The following CYYR1 variants were observed in gnomAD, a reference collection of about 807,000 sequenced individuals.
CYYR1 encodes cysteine and tyrosine rich 1, also known as cysteine and tyrosine-rich protein 1.
CYYR1 carries 14 observed loss-of-function variants against 15.2 expected under a neutral mutation model. The observed-to-expected ratio is 0.92, with a 90% CI of 0.61 to 1.44. CYYR1 has a LOEUF of 1.44. Ranked by LOEUF, CYYR1 falls within the 40% of genes most tolerant of loss-of-function variation. The pLI is 0.00. For synonymous variants in CYYR1, 80 were observed against 77.4 expected (o/e 1.03, Z -0.18); for missense variants, 228 against 209.5 (o/e 1.09, Z -0.54).
At chr21:26,500,612 AC>A (rs891646061) in intron 2 of CYYR1, among the ~76,000 whole-genome samples, 2 of 152,082 alleles carry the variant, frequency 1.3e-5, no homozygotes, top group African/African-American at 4.8e-5. Flanking sequence ...CTGAACAAGA[AC>A]TTTCCTCTTT....
At chr21:26,559,048 A>G (rs1031729889) in intron 2 of CYYR1, among the ~76,000 whole-genome samples, 3 of 152,112 alleles carry the variant, frequency 2.0e-5, no homozygotes, top group African/African-American at 7.2e-5. Flanking sequence ...ATGGGGTCTG[A>G]TTGCTCTCTA....
Position 26,573,270 on chromosome 21 carries a change from C to A in CYYR1, c.-330G>T. 7.6e-7 allele frequency: 1 copy of A among 1,311,992 alleles called. No individual in the cohort carries two copies. Among genetic ancestry groups the A allele is most frequent in the Non-Finnish European group, 9.9e-7 (1 of 1,013,784 alleles). 81.3% of individuals were successfully genotyped at this position (1,311,992 alleles called of 1,614,324 possible). A position where few individuals can be genotyped will look rare whatever the true frequency, so the allele number is the denominator to read the frequency against. The stretch of plus-strand genomic sequence containing the variant: ...CACCCAGGCTCACATTTCATCTCCG[C>A]GGGTGGCAACGACTGCGGGCAGGGG... On this transcript the variant is annotated 5_prime_UTR_variant, in exon 1 of 4. Coordinates refer to ENST00000652641, the MANE Select transcript of CYYR1 (RefSeq NM_001320768.2).
At chr21:26,562,917 TC>T (rs1980340788) in intron 2 of CYYR1, among the ~76,000 whole-genome samples, 1 of 152,144 alleles carries the variant, frequency 6.6e-6, no homozygotes, top group Non-Finnish European at 1.5e-5. Context: ...TCTTTTCTTA[TC>T]AGATTTTGAG....
At chr21:26,540,316 C>T (rs1048689585) in intron 2 of CYYR1, among the ~76,000 whole-genome samples, 24 of 152,108 alleles carry the variant, frequency 1.6e-4, no homozygotes, top group African/African-American at 5.1e-4. Flanking sequence ...AACTGAGTAG[C>T]GTTCCATTGA....
chr21:26,551,641 C>T (rs1030360642), intron 2 of CYYR1: 1 of 157,002 alleles, frequency 6.4e-6, no homozygotes, highest in Non-Finnish European at 1.4e-5. Flanking sequence ...AAAAGTGGAG[C>T]CTGAAGATGT....
chr21:26,570,545 C>A (rs560744513), intron 1 of CYYR1, among the ~76,000 whole-genome samples: 1 of 152,200 alleles, frequency 6.6e-6, no homozygotes, highest in Non-Finnish European at 1.5e-5. Flanking sequence ...TTCACTGGGT[C>A]TCCTTCCAAA....
chr21:26,517,857 C>T (rs2065753198), intron 2 of CYYR1, among the ~76,000 whole-genome samples: 1 of 152,148 alleles, frequency 6.6e-6, no homozygotes, highest in South Asian at 2.1e-4. Flanking sequence ...TGCCCAGCCC[C>T]AGACAATTCT....
intron 3 of CYYR1, chr21:26,471,089 C>G (rs1198152097): frequency 6.6e-6 from 1 of 152,176 alleles, no homozygotes; most frequent in African/African-American, 2.4e-5. Context: ...CCTGTGGAGT[C>G]TAAATACACA....
intron 2 of CYYR1, among the ~76,000 whole-genome samples, chr21:26,556,235 T>C (rs1231861154): frequency 6.6e-6 from 1 of 152,218 alleles, no homozygotes; most frequent in Non-Finnish European, 1.5e-5. Flanking sequence ...TTCCAGATGA[T>C]GAACACTAGT....
chr21:26,493,663 T>C (rs1275548612), intron 2 of CYYR1, among the ~76,000 whole-genome samples: 1 of 152,156 alleles, frequency 6.6e-6, no homozygotes, highest in East Asian at 1.9e-4. Flanking sequence ...TTTGGTCTAC[T>C]AGATCTCTTA....
chr21:26,532,585 G>A (rs2065945785), intron 2 of CYYR1, among the ~76,000 whole-genome samples: 1 of 152,156 alleles, frequency 6.6e-6, no homozygotes, highest in South Asian at 2.1e-4. Context: ...AGGTGGAAAT[G>A]GAAAGGCTGC....
intron 2 of CYYR1, among the ~76,000 whole-genome samples, chr21:26,562,812 A>ACACACACACACACC: frequency 6.6e-6 from 1 of 151,418 alleles, no homozygotes. Flanking sequence ...ACACACACAC[A>ACACACACACACACC]CACACACACA....
intron 2 of CYYR1, among the ~76,000 whole-genome samples, chr21:26,525,296 T>A (rs2065849848): frequency 6.6e-6 from 1 of 152,206 alleles, no homozygotes; most frequent in African/African-American, 2.4e-5. Context: ...AAAAATATTA[T>A]TTTGAACTAA....
intron 2 of CYYR1, among the ~76,000 whole-genome samples, chr21:26,480,738 C>G (rs1339705420): frequency 6.6e-6 from 1 of 152,060 alleles, no homozygotes; most frequent in South Asian, 2.1e-4. Context: ...TCTAGATATG[C>G]TCTCCAAAGT....
At chr21:26,502,737 C>T (rs73349283) in intron 2 of CYYR1, among the ~76,000 whole-genome samples, 3,015 of 152,072 alleles carry the variant, frequency 0.02, 112 homozygotes, top group African/African-American at 0.07. Context: ...TTTTCTGTTT[C>T]CTATTGTTTG....
Position 26,506,365 on chromosome 21 carries a change from C to T in CYYR1, c.177-25936G>A, listed in dbSNP as rs578145355. ...GGGGGCTTTCTCTTAGCTATAATGT[C>T]AATGAGGTTTCACTGCACTTTTGGA... On this transcript the variant is annotated intron_variant, in intron 2 of 3. Coordinates refer to ENST00000652641, the MANE Select transcript of CYYR1 (RefSeq NM_001320768.2). Among the ~76,000 whole-genome samples the T allele has an allele frequency of 1.1e-4, 16 of 152,280 alleles. No homozygotes were observed. The East Asian group carries it at 1.7e-3, about 17-fold the overall frequency.
chr21:26,501,833 T>C (rs1291069772), intron 2 of CYYR1, among the ~76,000 whole-genome samples: 1 of 152,192 alleles, frequency 6.6e-6, no homozygotes, highest in African/African-American at 2.4e-5. Context: ...GCACTGACGA[T>C]GAAGAACACG....
Position 26,521,917 on chromosome 21 carries a change from T to C in CYYR1, c.177-41488A>G, listed in dbSNP as rs115860448. Among the ~76,000 whole-genome samples, 812 of 152,334 alleles carry C rather than the reference T, an allele frequency of 5.3e-3. 10 individuals are homozygous for C. Among genetic ancestry groups the C allele is most frequent in the African/African-American group, 0.019 (792 of 41,568 alleles). ...TTTTGGAGCCGTACTGTCTCCTTTGTAGCTGTTCTGTCCTTCAAGAAAGGA... is the reference window on the plus strand; with the variant it reads ...TTTTGGAGCCGTACTGTCTCCTTTGCAGCTGTTCTGTCCTTCAAGAAAGGA... On this transcript the variant is annotated intron_variant, in intron 2 of 3. Coordinates refer to ENST00000652641, the MANE Select transcript of CYYR1 (RefSeq NM_001320768.2).
intron 2 of CYYR1, among the ~76,000 whole-genome samples, chr21:26,537,340 C>G (rs941328784): frequency 1.3e-5 from 2 of 151,988 alleles, no homozygotes; most frequent in African/African-American, 4.8e-5. Context: ...CCTTTTTTTG[C>G]TTCACAACTC....
Sources: allele counts gnomAD v4.1 joint callset (sites outside exome capture counted in the v4.1 genomes callset), GRCh38; gene constraint gnomAD v4.1.1; transcripts MANE v1.5; gene names NCBI Gene and HGNC (gene_info 2026-07-23, HGNC 2026-07-21).